The following LRRC37A2 variants were observed in gnomAD, a reference collection of about 807,000 sequenced individuals.
LRRC37A2 encodes the protein leucine-rich repeat-containing protein 37A2.
Under a neutral mutation model 68.8 loss-of-function variants are expected in LRRC37A2, and 9 were observed. The observed-to-expected ratio is 0.13, with a 90% CI of 0.08 to 0.23. The LOEUF (loss-of-function observed/expected upper bound fraction) is 0.23, where lower values mean the gene tolerates loss of function less well. LRRC37A2 is among the 10% of genes least tolerant of loss of function. LRRC37A2 has a pLI of 1.00. For missense variants in LRRC37A2, 168 were observed against 950.4 expected (o/e 0.18, Z 10.82); for synonymous variants, 63 against 367.6 (o/e 0.17, Z 9.48).
chr17:46,915,027 A>T, the LRRC37A2 span, among the ~76,000 whole-genome samples: 1 of 152,218 alleles, frequency 6.6e-6, no homozygotes, highest in Non-Finnish European at 1.5e-5. Flanking sequence ...GAGGTTGGTT[A>T]TCTATTGCTG....
At chr17:46,920,597 A>T in the LRRC37A2 span, among the ~76,000 whole-genome samples, 1 of 152,172 alleles carries the variant, frequency 6.6e-6, no homozygotes, top group Non-Finnish European at 1.5e-5. Flanking sequence ...TGGAAACGGG[A>T]TAGCCTATGT....
chr17:46,404,695 C>T, the LRRC37A2 span, among the ~76,000 whole-genome samples: 1 of 104,936 alleles, frequency 9.5e-6, no homozygotes, highest in African/African-American at 3.2e-5. Flanking sequence ...CGGTGAAACC[C>T]TGTCTCTGAT....
the LRRC37A2 span, among the ~76,000 whole-genome samples, chr17:46,462,239 G>C: frequency 4.6e-4 from 31 of 67,588 alleles, 4 homozygotes; most frequent in African/African-American, 1.5e-3. Context: ...AAAGTGCCTA[G>C]GATTCGATCT....
chr17:46,876,176 GC>G, the LRRC37A2 span: 3 of 1,438,066 alleles, frequency 2.1e-6, no homozygotes, highest in Non-Finnish European at 9.4e-7. Flanking sequence ...TGGGGTTGGT[GC>G]TCTGGGGGCA....
At chr17:46,847,761 C>A in the LRRC37A2 span, among the ~76,000 whole-genome samples, 1 of 152,150 alleles carries the variant, frequency 6.6e-6, no homozygotes, top group East Asian at 1.9e-4. Flanking sequence ...AGAGAGCCAG[C>A]CTGGGAAGCC....
chr17:46,774,027 G>C, the LRRC37A2 span: 1 of 1,423,232 alleles, frequency 7.0e-7, no homozygotes, highest in African/African-American at 1.4e-5. Flanking sequence ...CCTGTGCCCT[G>C]GCACCTGAAT....
chr17:47,047,741 G>A, the LRRC37A2 span, among the ~76,000 whole-genome samples: 1 of 151,992 alleles, frequency 6.6e-6, no homozygotes, highest in South Asian at 2.1e-4. Flanking sequence ...TGAAGCCTGA[G>A]AGCTTCTGGT....
chr17:47,005,501 C>T, the LRRC37A2 span: 1 of 152,214 alleles, frequency 6.6e-6, no homozygotes, highest in Non-Finnish European at 1.5e-5. Context: ...GAACATTGCG[C>T]AGTGCCTGAT....
the LRRC37A2 span, among the ~76,000 whole-genome samples, chr17:46,854,469 CCA>C: frequency 6.6e-6 from 1 of 152,016 alleles, no homozygotes; most frequent in African/African-American, 2.4e-5. Context: ...GGAAGTGACC[CCA>C]GAAGGATCTC....
the LRRC37A2 span, chr17:46,966,521 G>A: frequency 8.7e-6 from 6 of 687,684 alleles, no homozygotes; most frequent in Admixed American, 6.2e-5. Flanking sequence ...TTAATTTTTT[G>A]TATTTTTTGC....
the LRRC37A2 span, chr17:46,936,659 A>T: frequency 1.0e-6 from 1 of 984,966 alleles, no homozygotes; most frequent in East Asian, 1.1e-4. Flanking sequence ...TTTGAAATTT[A>T]TGGTCATTTT....
At chr17:46,385,215 C>T in the LRRC37A2 span, among the ~76,000 whole-genome samples, 1 of 93,320 alleles carries the variant, frequency 1.1e-5, no homozygotes, top group Non-Finnish European at 2.4e-5. Context: ...CAGACAGTTC[C>T]CATTGCTGAG....
chr17:46,679,527 T>TA, the LRRC37A2 span, among the ~76,000 whole-genome samples: 81 of 127,940 alleles, frequency 6.3e-4, no homozygotes, highest in Non-Finnish European at 9.1e-4. Context: ...CCATCTCTAC[T>TA]AAAAAAATAC....
the LRRC37A2 span, among the ~76,000 whole-genome samples, chr17:46,767,452 C>G: frequency 1.3e-5 from 2 of 152,192 alleles, no homozygotes; most frequent in Non-Finnish European, 2.9e-5. Flanking sequence ...CCTCTAAGTT[C>G]AAGGTGGATG....
chr17:46,492,534 TAGG>T, the LRRC37A2 span, among the ~76,000 whole-genome samples: 1 of 150,246 alleles, frequency 6.7e-6, no homozygotes, highest in African/African-American at 2.5e-5. Context: ...AGTAAATACC[TAGG>T]AGTATGATTT....
the LRRC37A2 span, chr17:46,932,143 A>G: frequency 1.2e-6 from 2 of 1,614,022 alleles, no homozygotes; most frequent in Non-Finnish European, 1.7e-6. Context: ...GCGCCATGCA[A>G]GGGAGCAGCA....
At chr17:46,997,020 A>AAG in the LRRC37A2 span, among the ~76,000 whole-genome samples, 1 of 152,222 alleles carries the variant, frequency 6.6e-6, no homozygotes, top group Non-Finnish European at 1.5e-5. Flanking sequence ...GAAGTAATCC[A>AAG]GCTAATAAAT....
At chr17:46,978,393 C>CAAAAA in the LRRC37A2 span, 1 of 438,884 alleles carries the variant, frequency 2.3e-6, no homozygotes, top group Non-Finnish European at 4.0e-6. Flanking sequence ...AACAAACAAA[C>CAAAAA]AAAAAAAACT....
At chr17:46,899,606 A>T in the LRRC37A2 span, among the ~76,000 whole-genome samples, 1 of 152,160 alleles carries the variant, frequency 6.6e-6, no homozygotes, top group East Asian at 1.9e-4. Flanking sequence ...GTTGCCTAGG[A>T]CTAAGGGGAG....
Sources: gnomAD v4.1 joint callset for allele counts (sites outside exome capture counted in the v4.1 genomes callset) on GRCh38, gnomAD v4.1.1 for gene constraint, MANE v1.5 for transcripts, NCBI Gene and HGNC (gene_info 2026-07-23, HGNC 2026-07-21) for gene names.